PRKCB: variants seen among roughly 807,000 people sequenced by gnomAD.
PRKCB encodes the protein protein kinase C beta type.
A neutral mutation model predicts 81.5 loss-of-function variants in PRKCB; 13 were observed. That is an observed-to-expected ratio of 0.16 (90% CI 0.10 to 0.25). The LOEUF is 0.25. PRKCB is among the 10% of genes least tolerant of loss of function. The pLI is 1.00. For missense variants in PRKCB, 509 were observed against 875.7 expected (o/e 0.58, Z 5.29); for synonymous variants, 335 against 321.4 (o/e 1.04, Z -0.45).
At chr16:23,901,869 G>A (rs1172265623) in intron 2 of PRKCB, among the ~76,000 whole-genome samples, 2 of 152,176 alleles carry the variant, frequency 1.3e-5, no homozygotes, top group Non-Finnish European at 2.9e-5. Flanking sequence ...GGAAGTCTCA[G>A]AGCTGGTGCA....
intron 2 of PRKCB, among the ~76,000 whole-genome samples, chr16:23,891,183 T>TGTGCC (rs1227260576): frequency 1.3e-5 from 2 of 152,000 alleles, no homozygotes; most frequent in Non-Finnish European, 2.9e-5. Flanking sequence ...ACTACAGGCA[T>TGTGCC]GTGCCACCAT....
intron 5 of PRKCB, among the ~76,000 whole-genome samples, chr16:24,058,779 G>C (rs1320074557): frequency 6.6e-6 from 1 of 152,176 alleles, no homozygotes; most frequent in African/African-American, 2.4e-5. Context: ...TAGGGATTTG[G>C]TGAGCCATTG....
intron 16 of PRKCB, among the ~76,000 whole-genome samples, chr16:24,213,160 G>A (rs1968172838): frequency 6.6e-6 from 1 of 151,858 alleles, no homozygotes; most frequent in Non-Finnish European, 1.5e-5. Context: ...TCAGCCTCCT[G>A]AGTAGCTGGG....
intron 2 of PRKCB, among the ~76,000 whole-genome samples, chr16:23,964,658 G>A (rs946250789): frequency 1.3e-5 from 2 of 150,910 alleles, no homozygotes; most frequent in Non-Finnish European, 2.9e-5. Context: ...CTTCCAGGGG[G>A]CAAACACCTC....
rs1159449687 is a variant in PRKCB at position 24,109,639 on chromosome 16, A to G, written c.822-3334A>G. ...CTTTCCAGACTGGGCAGCCAGGCAG[A>G]GGGGCTCCTCACATCCCAGATGATG... On this transcript the variant is annotated intron_variant, in intron 7 of 16. Transcript: ENST00000643927. Among the ~76,000 whole-genome samples the G allele has an allele frequency of 3.9e-5, 5 of 128,596 alleles. 1 individual carries two copies. The highest frequency in any genetic ancestry group is 3.6e-4 in the Admixed American group (5 of 13,740). The allele number at this position is 128,596 out of a possible 152,430, so 84.4% of individuals were successfully genotyped here. A position where few individuals can be genotyped will look rare whatever the true frequency, so the allele number is the denominator to read the frequency against.
chr16:24,175,426 G>A (rs915165355), intron 12 of PRKCB, among the ~76,000 whole-genome samples: 7 of 132,156 alleles, frequency 5.3e-5, no homozygotes, highest in Non-Finnish European at 8.2e-5. Flanking sequence ...GAATAAAACA[G>A]ATGAAACCCC....
chr16:24,172,234 G>T, intron 10 of PRKCB, 36 bp from the exon 11 acceptor site: 1 of 1,517,908 alleles, frequency 6.6e-7, no homozygotes, highest in Non-Finnish European at 9.1e-7. Flanking sequence ...CAGAAGCTAC[G>T]GGATGCTAAT....
intron 16 of PRKCB, among the ~76,000 whole-genome samples, chr16:24,197,721 C>T (rs975874518): frequency 6.6e-6 from 1 of 152,200 alleles, no homozygotes; most frequent in African/African-American, 2.4e-5. Context: ...CAGGTTGGGG[C>T]TGTTTGAGAA....
chr16:24,080,931 A>AT (rs1388479326), intron 5 of PRKCB, among the ~76,000 whole-genome samples: 1 of 152,168 alleles, frequency 6.6e-6, no homozygotes, highest in Non-Finnish European at 1.5e-5. Flanking sequence ...AGAAGGGAAC[A>AT]TTTTTCAACC....
chr16:24,091,712 G>A (rs902527642), intron 5 of PRKCB, among the ~76,000 whole-genome samples: 12 of 152,074 alleles, frequency 7.9e-5, no homozygotes, highest in South Asian at 2.1e-4. Flanking sequence ...CTGGGTTCAT[G>A]CCATTCTCCT....
In PRKCB at chr16:24,113,017, C is replaced by T; in HGVS notation, c.866C>T (p.Pro289Leu). Residue 289 changes from proline to leucine, a missense_variant, in exon 8 of 17, where the codon CCT (proline) becomes CTT (leucine). Pro to Leu is a moderately conservative substitution (Grantham distance 98). Transcript: ENST00000643927. The part of the protein sequence containing the change: ...SQEEGEYFNV[P>L]VPPEGSEANE... ...GAGGAAGGCGAGTACTTCAATGTGCCTGTGCCACCAGAAGGAAGTGAGGCC... is the reference window on the plus strand; with the variant it reads ...GAGGAAGGCGAGTACTTCAATGTGCTTGTGCCACCAGAAGGAAGTGAGGCC... 6.2e-7 allele frequency: 1 copy of T among 1,613,552 alleles called. No individual in the cohort carries two copies. The highest frequency in any genetic ancestry group is 8.5e-7 in the Non-Finnish European group (1 of 1,179,688).
At chr16:23,893,440 T>G (rs1279648817) in intron 2 of PRKCB, 1 of 152,272 alleles carries the variant, frequency 6.6e-6, no homozygotes, top group Non-Finnish European at 1.5e-5. Context: ...GATTACCCCT[T>G]ATCTGATTCC....
intron 2 of PRKCB, among the ~76,000 whole-genome samples, chr16:23,921,369 C>T (rs1444196744): frequency 1.3e-5 from 2 of 152,108 alleles, no homozygotes; most frequent in South Asian, 2.1e-4. Flanking sequence ...GGTGCTGGTA[C>T]CTTATAAGTG....
rs56897816 is a variant in PRKCB, at chr16:23,900,718, G to GTTTTTT, written c.205+63339_205+63344dup. On this transcript the variant is annotated intron_variant, in intron 2 of 16. Coordinates refer to ENST00000643927, the MANE Select transcript of PRKCB (RefSeq NM_002738.7). ...CTCATTCATTTTAACAGCTGCACAG[G>GTTTTTT]TTTTTTTTTTTTTTTTTTTTTTTTT... Among the ~76,000 whole-genome samples the GTTTTTT allele has an allele frequency of 2.1e-3, 130 of 62,270 alleles. 7 individuals are homozygous for GTTTTTT. Among genetic ancestry groups the GTTTTTT allele is most frequent in the African/African-American group, 7.6e-3 (109 of 14,276 alleles). 40.9% of individuals were successfully genotyped at this position (62,270 alleles called of 152,430 possible).
At chr16:23,878,039 G>T (rs1407199100) in intron 2 of PRKCB, among the ~76,000 whole-genome samples, 1 of 152,000 alleles carries the variant, frequency 6.6e-6, no homozygotes, top group Non-Finnish European at 1.5e-5. Context: ...TCACCACGTT[G>T]GCCAGGCCGG....
chr16:23,938,920 CTG>C (rs1462293591), intron 2 of PRKCB, among the ~76,000 whole-genome samples: 19 of 152,190 alleles, frequency 1.2e-4, no homozygotes, highest in African/African-American at 2.2e-4. Context: ...AGAAATAAAA[CTG>C]TATTTATTTG....
chr16:24,144,557 T>C lies in PRKCB; in HGVS notation c.1066-10127T>C, dbSNP rs995472692. 4.6e-5 allele frequency among the ~76,000 whole-genome samples: 7 copies of C among 152,182 alleles called. 1 individual carries two copies. The highest frequency in any genetic ancestry group is 1.0e-4 in the Non-Finnish European group (7 of 68,030). ...CTCAAGTGATCCACCCTCCTTGGCC[T>C]CCCAAAGTGCCGGGATTACAGGCAT... On this transcript the variant is annotated intron_variant, in intron 9 of 16. Transcript: ENST00000643927.
chr16:23,941,360 A>G (rs1449768574), intron 2 of PRKCB, among the ~76,000 whole-genome samples: 2 of 152,222 alleles, frequency 1.3e-5, no homozygotes, highest in Non-Finnish European at 2.9e-5. Context: ...TTTTTAAAAC[A>G]TTTCTCTAGA....
At chr16:23,972,414 A>G (rs1046918263) in intron 2 of PRKCB, among the ~76,000 whole-genome samples, 1 of 152,228 alleles carries the variant, frequency 6.6e-6, no homozygotes, top group Non-Finnish European at 1.5e-5. Flanking sequence ...ATATTTAAAT[A>G]TCAGAGAATG....
Sources: gnomAD v4.1 joint callset for allele counts (sites outside exome capture counted in the v4.1 genomes callset) on GRCh38, gnomAD v4.1.1 for gene constraint, MANE v1.5 for transcripts, NCBI Gene and HGNC (gene_info 2026-07-23, HGNC 2026-07-21) for gene names.